C3orf70: variants seen among roughly 807,000 people sequenced by gnomAD.
C3orf70 encodes the protein chromosome 3 open reading frame 70, also known as UPF0524 protein C3orf70.
C3orf70 carries 15 observed loss-of-function variants against 20.7 expected under a neutral mutation model. The ratio of observed to expected loss-of-function variants is 0.72; its 90% CI spans 0.48 to 1.11. The LOEUF is 1.11. Among genes scored for constraint, C3orf70 ranks in the 50% most tolerant of loss-of-function variants. The pLI is 0.00. For synonymous variants in C3orf70, 161 were observed against 125.7 expected (o/e 1.28, Z -1.88); for missense variants, 332 against 317.6 (o/e 1.05, Z -0.34).
intron 1 of C3orf70, among the ~76,000 whole-genome samples, chr3:185,083,875 A>G (rs1426073787): frequency 6.6e-6 from 1 of 152,236 alleles, no homozygotes. Context: ...TACTCATTAT[A>G]CTAGAACAAA....
At chr3:185,136,769 G>A (rs892495266) in intron 1 of C3orf70, among the ~76,000 whole-genome samples, 6 of 131,688 alleles carry the variant, frequency 4.6e-5, no homozygotes, top group Non-Finnish European at 1.0e-4. Context: ...AAAATTAGCC[G>A]GGTATGGTGG....
intron 1 of C3orf70, among the ~76,000 whole-genome samples, chr3:185,104,836 G>C (rs1367640799): frequency 6.6e-6 from 1 of 152,100 alleles, no homozygotes; most frequent in East Asian, 1.9e-4. Context: ...GTAGGAGGAG[G>C]GAAAGGATCA....
intron 1 of C3orf70, among the ~76,000 whole-genome samples, chr3:185,089,675 A>ATTAAC (rs1322913297): frequency 1.3e-5 from 2 of 152,228 alleles, no homozygotes; most frequent in South Asian, 2.1e-4. Flanking sequence ...TCACAAACTC[A>ATTAAC]TTAACTTATC....
At position 185,078,274 on chromosome 3, in the gene C3orf70, A is replaced by G. The variant is rs577119413; in HGVS notation, c.*4733T>C. ...CAGCCTTAAAAAGTGAGGTGGACAC[A>G]ACGATATAGAAGCTCAATATTAAAG... On this transcript the variant is annotated 3_prime_UTR_variant, in exon 2 of 2. Coordinates refer to ENST00000335012, the MANE Select transcript of C3orf70 (RefSeq NM_001025266.3). 6.5e-6 allele frequency: 1 copy of G among 152,776 alleles called. No individual in the cohort carries two copies. Among genetic ancestry groups the G allele is most frequent in the South Asian group, 2.1e-4 (1 of 4,830 alleles). The allele number at this position is 152,776 out of a possible 1,614,324, so 9.5% of individuals were successfully genotyped here. A position where few individuals can be genotyped will look rare whatever the true frequency, so the allele number is the denominator to read the frequency against.
intron 1 of C3orf70, among the ~76,000 whole-genome samples, chr3:185,105,438 C>G (rs1363264161): frequency 6.6e-6 from 1 of 152,266 alleles, no homozygotes; most frequent in African/African-American, 2.4e-5. Flanking sequence ...AGGACATGCT[C>G]CTGCTGCAGT....
chr3:185,108,367 TA>T (rs1418069808), intron 1 of C3orf70, among the ~76,000 whole-genome samples: 2 of 152,364 alleles, frequency 1.3e-5, no homozygotes, highest in African/African-American at 4.8e-5. Flanking sequence ...ATATGCCTAT[TA>T]ATGTGATTTC....
At chr3:185,101,771 A>T (rs1042431267) in intron 1 of C3orf70, among the ~76,000 whole-genome samples, 1 of 152,170 alleles carries the variant, frequency 6.6e-6, no homozygotes, top group African/African-American at 2.4e-5. Flanking sequence ...ACCTCCCACC[A>T]AGCCCCATCT....
rs376864187 is a variant in C3orf70 at position 185,106,322 on chromosome 3, T to G, written c.197-22759A>C. On this transcript the variant is annotated intron_variant, in intron 1 of 1. Coordinates refer to ENST00000335012, the MANE Select transcript of C3orf70 (RefSeq NM_001025266.3). Reference sequence around the variant, plus strand: ...ATTACATCAAGGCCTGTGATGGTATTGGAGGTAATCTGCATAAGGCTACTC... The same window carrying G: ...ATTACATCAAGGCCTGTGATGGTATGGGAGGTAATCTGCATAAGGCTACTC... 2.2e-3 allele frequency among the ~76,000 whole-genome samples: 329 copies of G among 149,632 alleles called. 4 individuals are homozygous for G. Among genetic ancestry groups the G allele is most frequent in the African/African-American group, 7.6e-3 (310 of 40,698 alleles).
chr3:185,123,410 CATG>C (rs1350038999), intron 1 of C3orf70, among the ~76,000 whole-genome samples: 2 of 151,868 alleles, frequency 1.3e-5, no homozygotes, highest in African/African-American at 4.8e-5. Context: ...GATTGAACAT[CATG>C]ATATTTTGGG....
At chr3:185,121,928 T>C (rs536322372) in intron 1 of C3orf70, among the ~76,000 whole-genome samples, 12 of 152,074 alleles carry the variant, frequency 7.9e-5, no homozygotes, top group African/African-American at 2.9e-4. Flanking sequence ...TGAAACCCCA[T>C]CTCTACTAAA....
chr3:185,129,572 AC>A (rs1716487403), intron 1 of C3orf70, among the ~76,000 whole-genome samples: 1 of 152,082 alleles, frequency 6.6e-6, no homozygotes, highest in African/African-American at 2.4e-5. Flanking sequence ...TTGGGTATAT[AC>A]CCAATGGTGG....
At chr3:185,151,300 C>T (rs1362746072) in intron 1 of C3orf70, among the ~76,000 whole-genome samples, 1 of 152,196 alleles carries the variant, frequency 6.6e-6, no homozygotes, top group East Asian at 1.9e-4. Flanking sequence ...ACATTCCTCA[C>T]ATTTTACACA....
chr3:185,139,190 G>T (rs1716695376), intron 1 of C3orf70, among the ~76,000 whole-genome samples: 1 of 139,126 alleles, frequency 7.2e-6, no homozygotes, highest in Non-Finnish European at 1.6e-5. Context: ...AGGGGAGAGG[G>T]GGGAGGAGGA....
intron 1 of C3orf70, among the ~76,000 whole-genome samples, chr3:185,130,315 G>A (rs1303090590): frequency 1.3e-5 from 2 of 152,144 alleles, no homozygotes; most frequent in African/African-American, 2.4e-5. Context: ...TTAGCCAGGT[G>A]TGGTGGTGGG....
In C3orf70 at chr3:185,079,280, C is replaced by CAAAAAAAAAAA. The variant is rs60241057; in HGVS notation, c.*3716_*3726dup. On this transcript the variant is annotated 3_prime_UTR_variant, in exon 2 of 2. Transcript: ENST00000335012. ...TGGGTGAAGGAGCGAGACTCTGTCT[C>CAAAAAAAAAAA]AAAAAAAAAAAAAAAAAAAAAAAAG... 1.1e-3 allele frequency: 55 copies of CAAAAAAAAAAA among 50,618 alleles called. 1 individual carries two copies. Among genetic ancestry groups the CAAAAAAAAAAA allele is most frequent in the African/African-American group, 3.4e-3 (53 of 15,406 alleles). The allele number at this position is 50,618 out of a possible 1,614,324, so 3.1% of individuals were successfully genotyped here.
chr3:185,109,514 G>A (rs1213579909), intron 1 of C3orf70, among the ~76,000 whole-genome samples: 4 of 152,130 alleles, frequency 2.6e-5, no homozygotes, highest in Non-Finnish European at 5.9e-5. Flanking sequence ...AGCAACACCC[G>A]TCGAACACAG....
chr3:185,079,432 A>C lies in C3orf70; in HGVS notation c.*3575T>G, dbSNP rs575180487. On this transcript the variant is annotated 3_prime_UTR_variant, in exon 2 of 2. Coordinates refer to ENST00000335012, the MANE Select transcript of C3orf70 (RefSeq NM_001025266.3). ...TTGTATTGTATGACCTTGAATTACA[A>C]GTCTTCCCCTCCCAGGAAAGGACTG... 1 of 152,240 alleles carries C rather than the reference A, an allele frequency of 6.6e-6. No individual in the cohort carries two copies. Among genetic ancestry groups the C allele is most frequent in the Non-Finnish European group, 1.5e-5 (1 of 68,010 alleles). The allele number at this position is 152,240 out of a possible 1,614,324, so 9.4% of individuals were successfully genotyped here. A position where few individuals can be genotyped will look rare whatever the true frequency, so the allele number is the denominator to read the frequency against.
At chr3:185,097,777 A>G (rs1443421623) in intron 1 of C3orf70, among the ~76,000 whole-genome samples, 2 of 152,204 alleles carry the variant, frequency 1.3e-5, no homozygotes, top group East Asian at 1.9e-4. Context: ...CCACGTGAGA[A>G]AAGAAATGCT....
chr3:185,122,115 A>G (rs1360084239), intron 1 of C3orf70, among the ~76,000 whole-genome samples: 1 of 151,908 alleles, frequency 6.6e-6, no homozygotes, highest in African/African-American at 2.4e-5. Flanking sequence ...AAAAAAAAAA[A>G]AGCAAGAGTA....
Sources: gnomAD v4.1 joint callset for allele counts (sites outside exome capture counted in the v4.1 genomes callset) on GRCh38, gnomAD v4.1.1 for gene constraint, MANE v1.5 for transcripts, NCBI Gene and HGNC (gene_info 2026-07-23, HGNC 2026-07-21) for gene names.